CNTN1: variants seen among roughly 807,000 people sequenced by gnomAD.
CNTN1 encodes the protein contactin 1, also known as contactin-1.
Under a neutral mutation model 126.4 loss-of-function variants are expected in CNTN1, and 38 were observed. The observed-to-expected ratio is 0.30, with a 90% CI of 0.23 to 0.39. The LOEUF is 0.39. Ranked by LOEUF, CNTN1 falls within the 10% of genes least tolerant of loss-of-function variation. The probability of loss-of-function intolerance (pLI) is 1.00; values close to 1 mark genes in which losing one functional copy is unlikely to be tolerated. For synonymous variants in CNTN1, 413 were observed against 422.6 expected (o/e 0.98, Z 0.28); for missense variants, 1,009 against 1,248.4 (o/e 0.81, Z 2.89).
chr12:40,846,663 T>A (rs59969287), intron 1 of CNTN1, among the ~76,000 whole-genome samples: 1 of 151,100 alleles, frequency 6.6e-6, no homozygotes, highest in African/African-American at 2.4e-5. Context: ...GGCATCCTCA[T>A]TACAGTCTTT....
At chr12:41,018,696 A>ATATG (rs1948838149) in intron 19 of CNTN1, among the ~76,000 whole-genome samples, 2 of 149,794 alleles carry the variant, frequency 1.3e-5, no homozygotes, top group African/African-American at 2.5e-5. Context: ...ATTTTAATAT[A>ATATG]TGTGTGTGTG....
chr12:40,886,132 G>A (rs1243585926), intron 1 of CNTN1, among the ~76,000 whole-genome samples: 2 of 151,990 alleles, frequency 1.3e-5, no homozygotes, highest in Non-Finnish European at 2.9e-5. Flanking sequence ...CATACCGTAT[G>A]CAAAATAATA....
At chr12:41,042,417 T>C (rs1249871544) in intron 23 of CNTN1, among the ~76,000 whole-genome samples, 1 of 152,116 alleles carries the variant, frequency 6.6e-6, no homozygotes, top group Non-Finnish European at 1.5e-5. Context: ...GAGAGTTCTG[T>C]AGATGTCTAT....
At chr12:41,038,286 G>T (rs1949314305) in intron 23 of CNTN1, among the ~76,000 whole-genome samples, 1 of 152,102 alleles carries the variant, frequency 6.6e-6, no homozygotes, top group African/African-American at 2.4e-5. Context: ...CACTTTGGAG[G>T]TCTATGTATT....
intron 18 of CNTN1, among the ~76,000 whole-genome samples, chr12:41,015,454 C>T (rs967477290): frequency 6.6e-6 from 1 of 152,188 alleles, no homozygotes; most frequent in Non-Finnish European, 1.5e-5. Context: ...ATTTTCATAG[C>T]TGATTCTGTT....
At chr12:40,767,859 T>C (rs866323336) in intron 1 of CNTN1, among the ~76,000 whole-genome samples, 16 of 152,208 alleles carry the variant, frequency 1.1e-4, no homozygotes, top group African/African-American at 3.4e-4. Context: ...CCTTAAACAA[T>C]TGACTTTTCT....
intron 1 of CNTN1, among the ~76,000 whole-genome samples, chr12:40,854,281 A>C (rs1224041434): frequency 3.9e-5 from 6 of 152,040 alleles, no homozygotes; most frequent in Admixed American, 3.9e-4. Context: ...ATGGGATAAA[A>C]GTGAGTGGGA....
chr12:40,698,149 G>A (rs965090789), intron 1 of CNTN1, among the ~76,000 whole-genome samples: 16 of 151,652 alleles, frequency 1.1e-4, no homozygotes, highest in Non-Finnish European at 2.2e-4. Flanking sequence ...CAGAGCATAG[G>A]TGTTAAGAGT....
At chr12:40,796,999 C>G (rs866807873) in intron 1 of CNTN1, among the ~76,000 whole-genome samples, 25 of 152,186 alleles carry the variant, frequency 1.6e-4, no homozygotes, top group African/African-American at 5.8e-4. Context: ...CAGCCCACAT[C>G]TATTAGTTCA....
intron 1 of CNTN1, among the ~76,000 whole-genome samples, chr12:40,794,594 T>C (rs1366525425): frequency 6.6e-6 from 1 of 152,086 alleles, no homozygotes; most frequent in Non-Finnish European, 1.5e-5. Flanking sequence ...TATGGGGTTT[T>C]CAAAGTAAAT....
chr12:40,957,490 G>C (rs985367726), intron 14 of CNTN1, among the ~76,000 whole-genome samples: 1 of 145,674 alleles, frequency 6.9e-6, no homozygotes, highest in Non-Finnish European at 1.5e-5. Context: ...TCCTTCAGTT[G>C]TTCAGTAAAC....
At chr12:41,052,348 C>A (rs1949708584) in intron 23 of CNTN1, among the ~76,000 whole-genome samples, 1 of 152,070 alleles carries the variant, frequency 6.6e-6, no homozygotes, top group East Asian at 1.9e-4. Context: ...CTGCTACATG[C>A]CTATAGCAAA....
chr12:40,709,503 T>A (rs1941856246), intron 1 of CNTN1, among the ~76,000 whole-genome samples: 1 of 152,204 alleles, frequency 6.6e-6, no homozygotes, highest in Non-Finnish European at 1.5e-5. Context: ...AAAGTCAACC[T>A]GTCTTGAAAT....
At chr12:41,043,105 C>A (rs9795648) in intron 23 of CNTN1, among the ~76,000 whole-genome samples, 8,028 of 152,126 alleles carry the variant, frequency 0.053, 477 homozygotes, top group Admixed American at 0.14. Flanking sequence ...GACTTCATGT[C>A]TAAAACACCA....
intron 23 of CNTN1, among the ~76,000 whole-genome samples, chr12:41,035,413 C>T (rs143076923): frequency 6.6e-6 from 1 of 152,112 alleles, no homozygotes; most frequent in Admixed American, 6.6e-5. Flanking sequence ...ATTTTGTTCT[C>T]TAGTAAATTA....
chr12:40,763,527 T>C (rs1241854511), intron 1 of CNTN1, among the ~76,000 whole-genome samples: 1 of 151,974 alleles, frequency 6.6e-6, no homozygotes, highest in African/African-American at 2.4e-5. Context: ...AAGAAACACA[T>C]TGTATTAGGA....
intron 9 of CNTN1, among the ~76,000 whole-genome samples, chr12:40,935,330 A>G (rs544047663): frequency 1.3e-5 from 2 of 152,194 alleles, no homozygotes; most frequent in Non-Finnish European, 2.9e-5. Context: ...CATATTAAGA[A>G]AACTACACTC....
In CNTN1 at chr12:40,943,577, A is replaced by T; in HGVS notation, c.1380-20A>T. The T allele has an allele frequency of 6.6e-7, 1 of 1,515,830 alleles. No individual in the cohort carries two copies. The highest frequency in any genetic ancestry group is 9.2e-7 in the Non-Finnish European group (1 of 1,092,170). 93.9% of individuals were successfully genotyped at this position (1,515,830 alleles called of 1,614,324 possible). ...TTACTAAATCAGGTTTGTGAATTAT[A>T]TATATTTTTATTTCACTAGAATACT... On this transcript the variant is annotated intron_variant, in intron 12 of 23. Transcript: ENST00000551295.
At chr12:40,696,284 T>C (rs1459317054) in intron 1 of CNTN1, among the ~76,000 whole-genome samples, 2 of 152,218 alleles carry the variant, frequency 1.3e-5, no homozygotes, top group Non-Finnish European at 2.9e-5. Context: ...TTCTGGCTTG[T>C]GGTTAGTTAC....
Sources: allele counts gnomAD v4.1 joint callset (sites outside exome capture counted in the v4.1 genomes callset), GRCh38; gene constraint gnomAD v4.1.1; transcripts MANE v1.5; gene names NCBI Gene and HGNC (gene_info 2026-07-23, HGNC 2026-07-21).